The following PDE4D variants were observed in gnomAD, a reference collection of about 807,000 sequenced individuals.
PDE4D encodes phosphodiesterase 4D, also known as 3',5'-cyclic-AMP phosphodiesterase 4D.
PDE4D carries 24 observed loss-of-function variants against 87.4 expected under a neutral mutation model. That is an observed-to-expected ratio of 0.27 (90% CI 0.20 to 0.39). The LOEUF (loss-of-function observed/expected upper bound fraction) is 0.39. PDE4D is among the 10% of genes least tolerant of loss of function. The pLI is 1.00. For missense variants in PDE4D, 714 were observed against 1,041.0 expected (o/e 0.69, Z 4.32); for synonymous variants, 384 against 383.2 (o/e 1.00, Z -0.02).
At chr5:59,507,598 G>C (rs1475047625) in intron 1 of PDE4D, among the ~76,000 whole-genome samples, 1 of 147,414 alleles carries the variant, frequency 6.8e-6, no homozygotes, top group African/African-American at 2.5e-5. Context: ...CCAGGAGTTT[G>C]AGGCTGCAAT....
At chr5:60,308,263 G>A (rs1053813899) in intron 1 of PDE4D, among the ~76,000 whole-genome samples, 1 of 152,168 alleles carries the variant, frequency 6.6e-6, no homozygotes, top group Non-Finnish European at 1.5e-5. Context: ...ATTCTATTAT[G>A]TTTGACTTTC....
intron 1 of PDE4D, among the ~76,000 whole-genome samples, chr5:59,448,595 G>C (rs1231037930): frequency 6.6e-6 from 1 of 152,160 alleles, no homozygotes; most frequent in African/African-American, 2.4e-5. Context: ...TATCAATATG[G>C]AGAGTAAAAA....
intron 1 of PDE4D, among the ~76,000 whole-genome samples, chr5:59,849,631 G>T (rs912788026): frequency 4.8e-5 from 7 of 145,938 alleles, no homozygotes; most frequent in Admixed American, 2.1e-4. Context: ...CCATCAGTGA[G>T]TTTTTTTTTT....
chr5:59,706,905 T>G (rs1218270371), intron 1 of PDE4D, among the ~76,000 whole-genome samples: 1 of 152,198 alleles, frequency 6.6e-6, no homozygotes, highest in East Asian at 1.9e-4. Flanking sequence ...TGATGCTCAA[T>G]TGCTTTTTAT....
chr5:59,149,619 AG>A (rs1474329990), intron 5 of PDE4D, among the ~76,000 whole-genome samples: 2 of 148,130 alleles, frequency 1.4e-5, no homozygotes, highest in African/African-American at 5.0e-5. Context: ...TTAAGATTTT[AG>A]TGTTGGTTCC....
intron 1 of PDE4D, chr5:59,430,188 C>A: frequency 9.6e-7 from 1 of 1,045,438 alleles, no homozygotes; most frequent in Non-Finnish European, 1.2e-6. Flanking sequence ...TAAAAACTAA[C>A]TTCTCACCCT....
chr5:59,589,291 T>C (rs1162852885), intron 1 of PDE4D, among the ~76,000 whole-genome samples: 1 of 152,224 alleles, frequency 6.6e-6, no homozygotes, highest in Non-Finnish European at 1.5e-5. Flanking sequence ...TATTGTTATA[T>C]GTATTATTTT....
At chr5:59,117,680 T>G (rs1181817424) in intron 5 of PDE4D, among the ~76,000 whole-genome samples, 1 of 152,168 alleles carries the variant, frequency 6.6e-6, no homozygotes, top group Non-Finnish European at 1.5e-5. Context: ...TGGAACTGGA[T>G]CTTGTTAAGT....
chr5:59,911,064 G>T (rs186790295), intron 3 of PDE4D, among the ~76,000 whole-genome samples: 1 of 152,312 alleles, frequency 6.6e-6, no homozygotes, highest in Admixed American at 6.5e-5. Flanking sequence ...ACTTTGGGAA[G>T]AATTTAGTTT....
chr5:60,468,130 C>CTTTTT lies in PDE4D; in HGVS notation c.-90+19807_-90+19811dup, dbSNP rs370784270. ...TCTAATACACATCCTAACTTTCTTT[C>CTTTTT]TTTTTTCTTTTTTTTTTGTTTTTTT... On this transcript the variant is annotated intron_variant, in intron 1 of 16. Transcript: ENST00000502484. Among the ~76,000 whole-genome samples the CTTTTT allele has an allele frequency of 1.7e-4, 21 of 126,204 alleles. 2 individuals carry two copies. The highest frequency in any genetic ancestry group is 6.5e-4 in the South Asian group (2 of 3,066). The allele number at this position is 126,204 out of a possible 152,430, so 82.8% of individuals were successfully genotyped here.
intron 1 of PDE4D, among the ~76,000 whole-genome samples, chr5:60,498,218 G>A (rs1365267138): frequency 6.6e-6 from 1 of 151,666 alleles, no homozygotes; most frequent in Non-Finnish European, 1.5e-5. Context: ...GCCCCAGACA[G>A]AGTCAGACCA....
Position 59,919,289 on chromosome 5 carries a change from T to A in PDE4D, c.272+69199A>T, listed in dbSNP as rs147343216. Reference sequence around the variant, plus strand: ...CTGGATTTAAGATGTGTGCTTAAAGTAAGGCTATAGAAATATTCTCAGCTC... The same window carrying A: ...CTGGATTTAAGATGTGTGCTTAAAGAAAGGCTATAGAAATATTCTCAGCTC... On this transcript the variant is annotated intron_variant, in intron 3 of 16. Coordinates refer to the PDE4D transcript ENST00000502484. Among the ~76,000 whole-genome samples the A allele has an allele frequency of 4.8e-3, 734 of 152,304 alleles. 6 individuals carry two copies. Among genetic ancestry groups the A allele is most frequent in the African/African-American group, 0.017 (702 of 41,560 alleles).
intron 11 of PDE4D, among the ~76,000 whole-genome samples, chr5:58,988,164 A>G (rs1363356588): frequency 6.6e-6 from 1 of 152,190 alleles, no homozygotes; most frequent in African/African-American, 2.4e-5. Context: ...ATTAATTCTC[A>G]TAACTTTTTT....
chr5:59,366,538 G>A (rs897405858), intron 1 of PDE4D, among the ~76,000 whole-genome samples: 2 of 152,146 alleles, frequency 1.3e-5, no homozygotes, highest in African/African-American at 4.8e-5. Context: ...TTGTTGGTAA[G>A]TTATGAGTCA....
intron 1 of PDE4D, among the ~76,000 whole-genome samples, chr5:59,401,478 A>ATCTATCTATCTATCTATCTGTCTG (rs1554161243): frequency 6.6e-6 from 1 of 150,868 alleles, no homozygotes; most frequent in African/African-American, 2.4e-5. Flanking sequence ...CTATCTATCT[A>ATCTATCTATCTATCTATCTGTCTG]TCTATCTATT....
intron 1 of PDE4D, among the ~76,000 whole-genome samples, chr5:59,828,386 G>T (rs1770575407): frequency 6.6e-6 from 1 of 151,984 alleles, no homozygotes; most frequent in Non-Finnish European, 1.5e-5. Flanking sequence ...AACTAAAGAT[G>T]ACTAAAAAGA....
At chr5:59,810,429 C>T (rs2152678143) in intron 1 of PDE4D, among the ~76,000 whole-genome samples, 1 of 152,226 alleles carries the variant, frequency 6.6e-6, no homozygotes, top group African/African-American at 2.4e-5. Flanking sequence ...ATTGATTTTT[C>T]CTTATGTGTT....
chr5:59,569,358 T>C (rs547996206), intron 1 of PDE4D, among the ~76,000 whole-genome samples: 7 of 152,334 alleles, frequency 4.6e-5, no homozygotes, highest in Middle Eastern at 3.4e-3. Context: ...ATTTTCTGCA[T>C]GGTTGCATCT....
intron 2 of PDE4D, among the ~76,000 whole-genome samples, chr5:59,996,267 T>C (rs187504675): frequency 1.2e-3 from 187 of 152,350 alleles, no homozygotes; most frequent in Non-Finnish European, 2.4e-3. Context: ...AAGACAGTCA[T>C]AGGCAGAGGA....
Sources: gnomAD v4.1 joint callset for allele counts (sites outside exome capture counted in the v4.1 genomes callset) on GRCh38, gnomAD v4.1.1 for gene constraint, MANE v1.5 for transcripts, NCBI Gene and HGNC (gene_info 2026-07-23, HGNC 2026-07-21) for gene names.